The following NEK6 variants were observed in gnomAD, a reference collection of about 807,000 sequenced individuals.
NEK6 encodes the protein NIMA related kinase 6.
Under a neutral mutation model 43.5 loss-of-function variants are expected in NEK6, and 27 were observed. That is an observed-to-expected ratio of 0.62 (90% CI 0.46 to 0.86). NEK6 has a LOEUF of 0.86. Ranked by LOEUF, NEK6 falls within the 40% of genes least tolerant of loss-of-function variation. NEK6 has a pLI of 0.00. For missense variants in NEK6, 318 were observed against 414.4 expected, an observed-to-expected ratio of 0.77 and a Z score of 2.02; for synonymous variants, 167 against 164.1, an observed-to-expected ratio of 1.02 and a Z score of -0.14.
chr9:124,278,215 G>T (rs892534274), intron 1 of NEK6, among the ~76,000 whole-genome samples: 7 of 152,222 alleles, frequency 4.6e-5, no homozygotes, highest in African/African-American at 1.7e-4. Flanking sequence ...CCTAGGTGTG[G>T]GGGAGGCGAG....
intron 1 of NEK6, among the ~76,000 whole-genome samples, chr9:124,272,901 G>A (rs904163324): frequency 4.6e-5 from 7 of 152,164 alleles, no homozygotes; most frequent in Non-Finnish European, 8.8e-5. Context: ...CCACACTATC[G>A]GAACCACTCT....
At chr9:124,292,932 C>T in intron 1 of NEK6, 1 of 1,553,594 alleles carries the variant, frequency 6.4e-7, no homozygotes, top group Non-Finnish European at 8.7e-7. Flanking sequence ...GGAAGGCTGC[C>T]TGGAGGAGAT....
intron 9 of NEK6, among the ~76,000 whole-genome samples, chr9:124,348,696 C>A (rs1023151917): frequency 1.6e-4 from 24 of 152,334 alleles, no homozygotes; most frequent in African/African-American, 5.8e-4. Context: ...CTGGCTCAGT[C>A]AGTGTTCACT....
At chr9:124,335,652 A>T (rs949441645) in intron 7 of NEK6, among the ~76,000 whole-genome samples, 4 of 152,310 alleles carry the variant, frequency 2.6e-5, no homozygotes, top group Admixed American at 2.0e-4. Context: ...CAGTGAGCGG[A>T]CGCCCACAAG....
At chr9:124,325,082 G>T (rs925556610) in intron 5 of NEK6, among the ~76,000 whole-genome samples, 14 of 152,186 alleles carry the variant, frequency 9.2e-5, no homozygotes, top group Admixed American at 8.5e-4. Flanking sequence ...GACTGAGGCA[G>T]GAGAATTGCT....
At position 124,275,076 on chromosome 9, in the gene NEK6, C is replaced by T. The variant is rs1234102617; in HGVS notation, c.-30+16991C>T. Among the ~76,000 whole-genome samples the T allele has an allele frequency of 2.0e-5, 3 of 152,220 alleles. No homozygotes were observed. Among genetic ancestry groups the T allele is most frequent in the Admixed American group, 1.3e-4 (2 of 15,282 alleles). ...TTAGTTCATCGTGTGCCTCACCACACTTCCATCCCAGTAAACTCCAGGAGG... is the reference window on the plus strand; with the variant it reads ...TTAGTTCATCGTGTGCCTCACCACATTTCCATCCCAGTAAACTCCAGGAGG... On this transcript the variant is annotated intron_variant, in intron 1 of 9. Transcript: ENST00000320246. This position sits in a 1 kb window ranked among gnomAD's most constrained non-coding sequence, Gnocchi z 4.4.
chr9:124,270,440 T>C (rs952239851), intron 1 of NEK6, among the ~76,000 whole-genome samples: 7 of 151,894 alleles, frequency 4.6e-5, no homozygotes, highest in African/African-American at 1.2e-4. Context: ...CAGAAGTCCA[T>C]GGAAATAAAA....
chr9:124,327,388 G>T lies in NEK6; in HGVS notation c.565G>T (p.Gly189Cys), dbSNP rs779821672. ...FITATGVVKLGDLGLGRFFSS... is the reference protein window; with the variant it reads ...FITATGVVKLCDLGLGRFFSS... ...CACAGCCACGGGCGTCGTGAAGCTC[G>T]GTGACCTTGGTCTGGGCCGCTTCTT... Residue 189 changes from glycine (G) to cysteine (C), a missense_variant, in exon 7 of 10, where the codon GGT (glycine) becomes TGT (cysteine). Gly to Cys is a radical substitution (Grantham distance 159, BLOSUM62 -3). Transcript: ENST00000320246. The T allele has an allele frequency of 6.2e-7, 1 of 1,613,650 alleles. No individual in the cohort carries two copies. The highest frequency in any genetic ancestry group is 8.5e-7 in the Non-Finnish European group (1 of 1,180,016).
intron 1 of NEK6, among the ~76,000 whole-genome samples, chr9:124,285,581 G>A (rs931367790): frequency 6.6e-6 from 1 of 152,184 alleles, no homozygotes; most frequent in Non-Finnish European, 1.5e-5. Context: ...GTTCATGGAA[G>A]AGGCAGCAGA....
chr9:124,312,402 C>G (rs926404388), intron 2 of NEK6, 107 bp from the exon 3 acceptor site: 1 of 1,305,152 alleles, frequency 7.7e-7, no homozygotes, highest in Admixed American at 2.6e-5. Context: ...AGCAGAGTCC[C>G]TCCTTCACCT....
At chr9:124,329,889 C>T (rs1316356607) in intron 7 of NEK6, among the ~76,000 whole-genome samples, 2 of 152,238 alleles carry the variant, frequency 1.3e-5, no homozygotes, top group South Asian at 4.1e-4. Context: ...GGCACAGGGG[C>T]CAGGGACACT....
At chr9:124,340,436 C>T (rs1829540873) in intron 8 of NEK6, among the ~76,000 whole-genome samples, 1 of 152,190 alleles carries the variant, frequency 6.6e-6, no homozygotes, top group Admixed American at 6.5e-5. Context: ...CCCCACTGTC[C>T]CTAGACCACC....
intron 8 of NEK6, among the ~76,000 whole-genome samples, chr9:124,345,752 T>G (rs1046063677): frequency 1.3e-5 from 2 of 152,204 alleles, no homozygotes; most frequent in African/African-American, 4.8e-5. Context: ...ATCCTCCAGC[T>G]GCAACTCGGG....
chr9:124,308,406 C>T (rs1833364157), intron 2 of NEK6, among the ~76,000 whole-genome samples: 1 of 152,164 alleles, frequency 6.6e-6, no homozygotes, highest in African/African-American at 2.4e-5. Flanking sequence ...AATCCCAGCA[C>T]TTTGGGAGGC....
At chr9:124,304,854 T>C (rs1833175523) in intron 2 of NEK6, among the ~76,000 whole-genome samples, 1 of 152,190 alleles carries the variant, frequency 6.6e-6, no homozygotes, top group Admixed American at 6.5e-5. Context: ...ACATACTTGC[T>C]TTTATAGAGG....
intron 1 of NEK6, among the ~76,000 whole-genome samples, chr9:124,290,456 C>T (rs1003507138): frequency 5.9e-5 from 9 of 152,256 alleles, no homozygotes; most frequent in Non-Finnish European, 1.3e-4. Flanking sequence ...TGTCAGGTGG[C>T]GGAGCCTCGG....
At chr9:124,312,882 T>A (rs187635163) in intron 3 of NEK6, among the ~76,000 whole-genome samples, 2 of 152,332 alleles carry the variant, frequency 1.3e-5, no homozygotes, top group Admixed American at 1.3e-4. Flanking sequence ...TACTGGGTCA[T>A]GCAAGGAGCA....
At chr9:124,260,394 A>C (rs933989861) in intron 1 of NEK6, among the ~76,000 whole-genome samples, 2 of 151,978 alleles carry the variant, frequency 1.3e-5, no homozygotes, top group East Asian at 1.9e-4. Flanking sequence ...ATTTTTATTT[A>C]TTTATTTATT....
rs2131108026 is a variant in NEK6 at position 124,348,818 on chromosome 9, C to A, written c.831+996C>A. ...GGCCGTCACCTCACGATAATAACAG[C>A]TCATGTTCAGACTTCCTGAGTTGAA... On this transcript the variant is annotated intron_variant, in intron 9 of 9. Coordinates refer to ENST00000320246, the MANE Select transcript of NEK6 (RefSeq NM_014397.6). Among the ~76,000 whole-genome samples, 3 of 152,382 alleles carry A rather than the reference C, an allele frequency of 2.0e-5. No individual in the cohort carries two copies. The South Asian group carries it at 6.2e-4, about 32-fold the overall frequency.
Sources: gnomAD v4.1 joint callset for allele counts (sites outside exome capture counted in the v4.1 genomes callset) on GRCh38, gnomAD v4.1.1 for gene constraint, Gnocchi (gnomAD v3.1) non-coding constraint, MANE v1.5 for transcripts, NCBI Gene and HGNC (gene_info 2026-07-23, HGNC 2026-07-21) for gene names.